Variants in STAU2 observed in about 807,000 individuals in gnomAD.
The protein encoded by STAU2 is double-stranded RNA-binding protein Staufen homolog 2.
In STAU2, 20 loss-of-function variants were observed where a neutral mutation model predicts 65.9. That is an observed-to-expected ratio of 0.30 (90% confidence interval 0.21 to 0.44). The LOEUF is 0.44. Ranked by LOEUF, STAU2 falls within the 20% of genes least tolerant of loss-of-function variation. The probability of loss-of-function intolerance (pLI) is 1.00; values close to 1 mark genes in which losing one functional copy is unlikely to be tolerated. For missense variants in STAU2, 558 were observed against 683.9 expected (o/e 0.82, Z 2.05); for synonymous variants, 232 against 233.9 (o/e 0.99, Z 0.07).
In STAU2 at chr8:73,485,826, C is replaced by G. The variant is rs1412793206; in HGVS notation, c.1531-63124G>C. On this transcript the variant is annotated intron_variant, in intron 13 of 14. Coordinates refer to ENST00000524300, the MANE Select transcript of STAU2 (RefSeq NM_001164380.2). ...TCCAGCCTGGACAACACAATGGGACCCTATCTCAAACAAACAAACAAACAA... is the reference window on the plus strand; with the variant it reads ...TCCAGCCTGGACAACACAATGGGACGCTATCTCAAACAAACAAACAAACAA... 2.6e-5 allele frequency among the ~76,000 whole-genome samples: 4 copies of G among 151,972 alleles called. No homozygotes were observed. The East Asian group carries it at 5.8e-4, about 22-fold the overall frequency.
rs1252350917 is a variant in STAU2, at chr8:73,687,329, A to AT, written c.274+1324_274+1325insA. On this transcript the variant is annotated intron_variant, in intron 5 of 14. Transcript: ENST00000524300. ...AAATATAATTTATATTTATATTTAT[A>AT]AATATAATTTATATTTATAATTTAT... 1.0e-4 allele frequency among the ~76,000 whole-genome samples: 11 copies of AT among 107,178 alleles called. 1 individual carries two copies. The highest frequency in any genetic ancestry group is 1.9e-4 in the Non-Finnish European group (10 of 53,368). The allele number at this position is 107,178 out of a possible 152,430, so 70.3% of individuals were successfully genotyped here.
At chr8:73,653,921 T>A in intron 6 of STAU2, 1 of 441,214 alleles carries the variant, frequency 2.3e-6, no homozygotes, top group Non-Finnish European at 4.5e-6. Flanking sequence ...AAATATTAAG[T>A]TTAGAATCAA....
At position 73,651,127 on chromosome 8, in the gene STAU2, G is replaced by A. The variant is rs539914128; in HGVS notation, c.410+21980C>T. 4.6e-5 allele frequency among the ~76,000 whole-genome samples: 7 copies of A among 152,324 alleles called. No homozygotes were observed. In the South Asian group the frequency reaches 6.2e-4, roughly 14 times the overall value. ...GCCGACCCACACCCCCAGGCCTGCC[G>A]AGGTCTCCCTGGGGAGCCTCCCTGG... On this transcript the variant is annotated intron_variant, in intron 6 of 14. Coordinates refer to ENST00000524300, the MANE Select transcript of STAU2 (RefSeq NM_001164380.2).
chr8:73,721,273 CA>C (rs1318005917), intron 3 of STAU2, among the ~76,000 whole-genome samples: 1 of 44,880 alleles, frequency 2.2e-5, no homozygotes, highest in Non-Finnish European at 4.3e-5. Flanking sequence ...GTGAACAAAG[CA>C]AAACCCCACC....
chr8:73,696,906 C>A (rs1563513537), intron 4 of STAU2, among the ~76,000 whole-genome samples: 1 of 152,116 alleles, frequency 6.6e-6, no homozygotes. Context: ...GCAGATTTAA[C>A]CCAATGATGA....
chr8:73,677,360 C>A (rs777919997), intron 5 of STAU2, among the ~76,000 whole-genome samples: 6 of 151,954 alleles, frequency 3.9e-5, no homozygotes, highest in Non-Finnish European at 7.4e-5. Context: ...AGATATATTC[C>A]CAAGAGAAAT....
chr8:73,635,034 C>T (rs187418213), intron 6 of STAU2, among the ~76,000 whole-genome samples: 168 of 152,298 alleles, frequency 1.1e-3, no homozygotes, highest in African/African-American at 3.9e-3. Flanking sequence ...AAGAATGTCT[C>T]ACCACGTGTA....
chr8:73,739,930 T>A lies in STAU2; in HGVS notation c.-196-62A>T, dbSNP rs189365510. The A allele has an allele frequency of 5.6e-6, 4 of 716,370 alleles. No individual in the cohort carries two copies. The Admixed American group carries it at 9.3e-5, about 17-fold the overall frequency. The allele number at this position is 716,370 out of a possible 1,614,324, so 44.4% of individuals were successfully genotyped here. ...ACTTCCAAGATTAGGTTATAAAAAT[T>A]CTTAGGTGTCACCTTCTCTCACTCA... On this transcript the variant is annotated intron_variant, in intron 1 of 14. Transcript: ENST00000524300.
intron 12 of STAU2, among the ~76,000 whole-genome samples, chr8:73,567,995 A>T (rs531160802): frequency 1.3e-3 from 202 of 152,338 alleles, no homozygotes; most frequent in African/African-American, 4.8e-3. Context: ...TACTTTCTAA[A>T]AAAATGAAAG....
At chr8:73,614,016 T>C (rs1812654415) in intron 8 of STAU2, 60 bp from the exon 9 acceptor site, 3 of 1,335,268 alleles carry the variant, frequency 2.2e-6, no homozygotes, top group African/African-American at 1.5e-5. Flanking sequence ...ATTCTTAAAG[T>C]ATGACTTAAT....
intron 6 of STAU2, among the ~76,000 whole-genome samples, chr8:73,619,600 G>A (rs1813081983): frequency 6.6e-6 from 1 of 152,202 alleles, no homozygotes; most frequent in South Asian, 2.1e-4. Flanking sequence ...AACTAGAAAT[G>A]TTGATTGGTA....
chr8:73,618,061 A>C (rs1812967132), intron 6 of STAU2, among the ~76,000 whole-genome samples: 1 of 152,212 alleles, frequency 6.6e-6, no homozygotes, highest in African/African-American at 2.4e-5. Context: ...AGAGAATGTA[A>C]GAAGAAACAA....
chr8:73,695,304 C>T (rs1173679969), intron 4 of STAU2, among the ~76,000 whole-genome samples: 2 of 152,204 alleles, frequency 1.3e-5, no homozygotes, highest in South Asian at 2.1e-4. Context: ...CAGGCAGAGC[C>T]GTGAGGCCCC....
chr8:73,688,153 T>TA (rs1376235939), intron 5 of STAU2, among the ~76,000 whole-genome samples: 1 of 151,886 alleles, frequency 6.6e-6, no homozygotes, highest in Non-Finnish European at 1.5e-5. Flanking sequence ...CAATTACAAT[T>TA]ACTTTCTTCA....
chr8:73,626,870 G>A (rs1813683842), intron 6 of STAU2, among the ~76,000 whole-genome samples: 1 of 152,076 alleles, frequency 6.6e-6, no homozygotes, highest in South Asian at 2.1e-4. Flanking sequence ...GCTGAATCTG[G>A]CAGGTGAGGA....
chr8:73,745,894 G>C (rs545046804), intron 1 of STAU2, among the ~76,000 whole-genome samples: 1 of 151,930 alleles, frequency 6.6e-6, no homozygotes, highest in South Asian at 2.1e-4. Flanking sequence ...AAGAATCCCA[G>C]AGTGGCGTGC....
intron 13 of STAU2, among the ~76,000 whole-genome samples, chr8:73,534,604 ATAAC>A (rs1454241666): frequency 6.6e-6 from 1 of 152,244 alleles, no homozygotes; most frequent in Non-Finnish European, 1.5e-5. Flanking sequence ...AGCATTAATA[ATAAC>A]TATCAGATAG....
At chr8:73,564,578 G>A (rs1808462812) in intron 12 of STAU2, among the ~76,000 whole-genome samples, 1 of 150,708 alleles carries the variant, frequency 6.6e-6, no homozygotes, top group Admixed American at 6.6e-5. Context: ...ATATCTGGAT[G>A]ATGAAATAAT....
chr8:73,707,775 A>T (rs1820616812), intron 4 of STAU2, among the ~76,000 whole-genome samples: 1 of 152,196 alleles, frequency 6.6e-6, no homozygotes, highest in African/African-American at 2.4e-5. Context: ...AATGACCAAC[A>T]TATATTACTG....
Sources: allele counts gnomAD v4.1 joint callset (sites outside exome capture counted in the v4.1 genomes callset), GRCh38; gene constraint gnomAD v4.1.1; transcripts MANE v1.5; gene names NCBI Gene and HGNC (gene_info 2026-07-23, HGNC 2026-07-21).